The following MYO16 variants were observed in gnomAD, a reference collection of about 807,000 sequenced individuals.
MYO16 encodes unconventional myosin-XVI.
A neutral mutation model predicts 205.3 loss-of-function variants in MYO16; 94 were observed. The observed-to-expected ratio is 0.46, with a 90% confidence interval of 0.39 to 0.54. The LOEUF is 0.54. Ranked by LOEUF, MYO16 falls within the 20% of genes least tolerant of loss-of-function variation. MYO16 has a pLI of 0.00. For missense variants in MYO16, 2,315 were observed against 2,387.5 expected, an observed-to-expected ratio of 0.97 and a Z score of 0.63; for synonymous variants, 988 against 954.0, an observed-to-expected ratio of 1.04 and a Z score of -0.66.
chr13:108,522,700 G>A, the MYO16 span, among the ~76,000 whole-genome samples: 2 of 152,032 alleles, frequency 1.3e-5, no homozygotes, highest in Admixed American at 6.6e-5. Flanking sequence ...GCAATCTTTG[G>A]TGTTCCTCGG....
At chr13:108,925,232 A>T (rs757522597) in intron 16 of MYO16, among the ~76,000 whole-genome samples, 1 of 152,146 alleles carries the variant, frequency 6.6e-6, no homozygotes, top group Non-Finnish European at 1.5e-5. Context: ...ATCTTTTAAA[A>T]CAATGAAGTC....
intron 34 of MYO16, among the ~76,000 whole-genome samples, chr13:109,202,239 C>T (rs1880423453): frequency 6.6e-6 from 1 of 152,068 alleles, no homozygotes; most frequent in African/African-American, 2.4e-5. Flanking sequence ...ATTGCTGAGT[C>T]AAATGGTAAT....
chr13:109,010,258 C>T (rs1189994753), intron 22 of MYO16, among the ~76,000 whole-genome samples: 1 of 152,078 alleles, frequency 6.6e-6, no homozygotes, highest in East Asian at 1.9e-4. Context: ...GTCATTAATC[C>T]CTTTCTTATG....
intron 27 of MYO16, among the ~76,000 whole-genome samples, chr13:109,075,294 C>G (rs548058873): frequency 1.5e-5 from 2 of 135,228 alleles, no homozygotes; most frequent in South Asian, 2.5e-4. Context: ...TTGGTTGTTC[C>G]CTTTTGTCTT....
chr13:109,085,223 T>C (rs1888402593), intron 27 of MYO16, among the ~76,000 whole-genome samples: 2 of 152,050 alleles, frequency 1.3e-5, no homozygotes, highest in South Asian at 4.1e-4. Context: ...CACTGCAGGA[T>C]AGTAAGCAAG....
intron 31 of MYO16, among the ~76,000 whole-genome samples, chr13:109,137,862 C>G (rs566545532): frequency 1.3e-5 from 2 of 152,300 alleles, no homozygotes; most frequent in African/African-American, 4.8e-5. Context: ...CCTGCCCTAC[C>G]AAGCCCAGCA....
chr13:109,108,598 T>C (rs1216881565), intron 28 of MYO16, among the ~76,000 whole-genome samples: 1 of 152,214 alleles, frequency 6.6e-6, no homozygotes, highest in African/African-American at 2.4e-5. Flanking sequence ...GGCAAGGCAA[T>C]TGCGATGGCT....
At chr13:108,843,365 T>A (rs1877344673) in intron 9 of MYO16, among the ~76,000 whole-genome samples, 1 of 152,132 alleles carries the variant, frequency 6.6e-6, no homozygotes, top group Non-Finnish European at 1.5e-5. Context: ...ACAAAGGGTC[T>A]CTTGGAGGTG....
chr13:108,659,901 G>C (rs759083421), intron 1 of MYO16, among the ~76,000 whole-genome samples: 1 of 152,166 alleles, frequency 6.6e-6, no homozygotes, highest in Non-Finnish European at 1.5e-5. Context: ...AAATCGATTA[G>C]TATAGATATT....
intron 9 of MYO16, among the ~76,000 whole-genome samples, chr13:108,840,820 C>T (rs768104982): frequency 6.6e-6 from 1 of 152,048 alleles, no homozygotes; most frequent in Non-Finnish European, 1.5e-5. Flanking sequence ...ATTCTTAAAA[C>T]CATAAAACAG....
At chr13:108,636,369 T>TGTG (rs1186142611) in intron 1 of MYO16, among the ~76,000 whole-genome samples, 7 of 51,356 alleles carry the variant, frequency 1.4e-4, no homozygotes, top group East Asian at 8.2e-4. Context: ...TTTTTTTTTT[T>TGTG]TGTGTGTGTG....
At chr13:108,659,760 C>A (rs998858265) in intron 1 of MYO16, among the ~76,000 whole-genome samples, 11 of 152,178 alleles carry the variant, frequency 7.2e-5, no homozygotes, top group Non-Finnish European at 1.5e-4. Flanking sequence ...TTTCATTCAA[C>A]AACAACAGCA....
chr13:108,614,716 A>G (rs1162650467), intron 1 of MYO16, among the ~76,000 whole-genome samples: 2 of 152,082 alleles, frequency 1.3e-5, no homozygotes, highest in African/African-American at 2.4e-5. Context: ...AGACTATTCT[A>G]TGGGAAGAGT....
intron 1 of MYO16, among the ~76,000 whole-genome samples, chr13:108,636,616 G>C (rs183245511): frequency 2.0e-5 from 3 of 152,202 alleles, no homozygotes; most frequent in Admixed American, 2.0e-4. Flanking sequence ...TTGACCTCTT[G>C]ATCTGCCCGC....
At chr13:108,997,330 AAGAAAGAAAGAGAGAGAGAG>A (rs1444520375) in intron 21 of MYO16, among the ~76,000 whole-genome samples, 7 of 5,888 alleles carry the variant, frequency 1.2e-3, no homozygotes, top group African/African-American at 4.9e-3. Context: ...GAAAGAAAGA[AAGAAAGAAAGAGAGAGAGAG>A]AGAGAGAGAG....
At chr13:108,544,452 G>A in the MYO16 span, among the ~76,000 whole-genome samples, 2 of 152,096 alleles carry the variant, frequency 1.3e-5, no homozygotes, top group Non-Finnish European at 2.9e-5. Context: ...TTTTGTTCAG[G>A]CATGCAGTGC....
chr13:108,765,649 C>T (rs189498820), intron 4 of MYO16, among the ~76,000 whole-genome samples: 1 of 152,210 alleles, frequency 6.6e-6, no homozygotes, highest in South Asian at 2.1e-4. Context: ...ATCAGATACA[C>T]ACGCTTTGCC....
the MYO16 span, among the ~76,000 whole-genome samples, chr13:108,509,084 A>G: frequency 6.6e-6 from 1 of 152,240 alleles, no homozygotes; most frequent in Non-Finnish European, 1.5e-5. Context: ...TTAATAAACC[A>G]GTGTTAGCCT....
At chr13:108,877,305 G>A (rs1020217841) in intron 12 of MYO16, among the ~76,000 whole-genome samples, 32 of 152,198 alleles carry the variant, frequency 2.1e-4, no homozygotes, top group Non-Finnish European at 4.3e-4. Context: ...ACAAGACTCA[G>A]TAGTATAGAC....
Sources: gnomAD v4.1 joint callset for allele counts (sites outside exome capture counted in the v4.1 genomes callset) on GRCh38, gnomAD v4.1.1 for gene constraint, MANE v1.5 for transcripts, NCBI Gene and HGNC (gene_info 2026-07-23, HGNC 2026-07-21) for gene names.